KIF1B: variants seen among roughly 807,000 people sequenced by gnomAD.
KIF1B encodes kinesin family member 1B, also known as kinesin-like protein KIF1B.
KIF1B carries 76 observed loss-of-function variants against 241.9 expected under a neutral mutation model. The ratio of observed to expected loss-of-function variants is 0.31; its 90% confidence interval spans 0.26 to 0.38. KIF1B has a LOEUF of 0.38. Ranked by LOEUF, KIF1B falls within the 10% of genes least tolerant of loss-of-function variation. KIF1B has a pLI of 1.00. For missense variants in KIF1B, 1,622 were observed against 2,271.4 expected, an observed-to-expected ratio of 0.71 and a Z score of 5.81; for synonymous variants, 750 against 796.7, an observed-to-expected ratio of 0.94 and a Z score of 0.99.
Position 10,374,900 on chromosome 1 carries a change from T to C in KIF1B, c.5143T>C (p.Tyr1715His), listed in dbSNP as rs1415777397. The change falls in exon 47 of 49, where the codon TAC becomes CAC. Residue 1715 changes from tyrosine to histidine, a missense_variant. Coordinates refer to ENST00000676179, the MANE Select transcript of KIF1B (RefSeq NM_001365951.3). This position sits in a 1 kb window ranked among gnomAD's most constrained non-coding sequence, Gnocchi z 4.3. ...ATACCTTCATTTCAAGGAGCCTCTT[T>C]ACAGTAACTGGGCTAAACATTTTGT... The part of the protein sequence containing the change: ...KGYLHFKEPL[Y>H]SNWAKHFVVV... 3 of 1,614,230 alleles carry C rather than the reference T, an allele frequency of 1.9e-6. No homozygotes were observed. Among genetic ancestry groups the C allele is most frequent in the East Asian group, 4.5e-5 (2 of 44,886 alleles).
At chr1:10,343,399 A>C in intron 34 of KIF1B, 112 bp downstream of exon 34, 1 of 965,256 alleles carries the variant, frequency 1.0e-6, no homozygotes, top group South Asian at 1.4e-5. Flanking sequence ...CTATATATCC[A>C]CATGTATTCC....
At chr1:10,325,677 T>C (rs1489177222) in intron 26 of KIF1B, among the ~76,000 whole-genome samples, 2 of 152,242 alleles carry the variant, frequency 1.3e-5, no homozygotes, top group African/African-American at 4.8e-5. Context: ...AAGCACATGC[T>C]GCTTTGCCAT....
At position 10,323,062 on chromosome 1, in the gene KIF1B, G is replaced by C. The variant is rs149124706; in HGVS notation, c.2359-822G>C. Among the ~76,000 whole-genome samples the C allele has an allele frequency of 3.1e-4, 47 of 152,184 alleles. No individual in the cohort carries two copies. In the East Asian group the frequency reaches 8.7e-3, roughly 28 times the overall value. On this transcript the variant is annotated intron_variant, in intron 24 of 48. Transcript: ENST00000676179. The stretch of plus-strand genomic sequence containing the variant: ...CAGTTTGTAGAGACAGGGTCTCACT[G>C]TGTTGCCTAGGCTGGTCTCAAACTC...
rs763518005 is a variant in KIF1B at position 10,374,421 on chromosome 1, C to T, written c.5052C>T (p.Asn1684=). 29 of 1,614,088 alleles carry T rather than the reference C, an allele frequency of 1.8e-5. No homozygotes were observed. Among genetic ancestry groups the T allele is most frequent in the East Asian group, 4.5e-5 (2 of 44,904 alleles). The change falls in exon 46 of 49, where the codon AAC becomes AAT. Residue 1684 remains asparagine (N), a synonymous_variant. Transcript: ENST00000676179. This position sits in a 1 kb window ranked among gnomAD's most constrained non-coding sequence, Gnocchi z 4.3. ...CATATTTGGCCCGAGCAGGAAAAAA[C>T]GAATTTCTCAATCTTGTTCCAGATA... ...ETPYLARAGK[N]EFLNLVPDIE... is the part of the protein sequence containing the mutation.
intron 1 of KIF1B, among the ~76,000 whole-genome samples, chr1:10,225,089 TGCCCACC>T (rs1646893439): frequency 1.3e-5 from 2 of 152,296 alleles, no homozygotes; most frequent in African/African-American, 4.8e-5. Context: ...AATGCTCACT[TGCCCACC>T]GCTCACCTCC....
intron 1 of KIF1B, among the ~76,000 whole-genome samples, chr1:10,229,431 G>T (rs564266925): frequency 6.6e-6 from 1 of 152,264 alleles, no homozygotes; most frequent in South Asian, 2.1e-4. Flanking sequence ...ACTGTTGTAA[G>T]TGCTAGCAAA....
At chr1:10,238,940 T>C (rs575565868) in intron 2 of KIF1B, among the ~76,000 whole-genome samples, 1 of 152,198 alleles carries the variant, frequency 6.6e-6, no homozygotes, top group African/African-American at 2.4e-5. Flanking sequence ...ACTTTTTTCT[T>C]TCAGTTTTTT....
chr1:10,238,593 T>C (rs971279749), intron 2 of KIF1B, among the ~76,000 whole-genome samples: 2 of 151,730 alleles, frequency 1.3e-5, no homozygotes. Flanking sequence ...TGGTTGCAGC[T>C]ACTCCAGAGC....
intron 25 of KIF1B, 55 bp downstream of exon 25, chr1:10,324,117 G>T: frequency 1.1e-5 from 14 of 1,309,370 alleles, no homozygotes; most frequent in Non-Finnish European, 1.5e-5. Context: ...ACAATGACCT[G>T]CTCAAGTGAG....
chr1:10,268,625 C>CTTTTTTTTTTTTTTTTTT, intron 7 of KIF1B, among the ~76,000 whole-genome samples: 1 of 130,056 alleles, frequency 7.7e-6, no homozygotes, highest in Non-Finnish European at 1.7e-5. Flanking sequence ...TATGTGTATT[C>CTTTTTTTTTTTTTTTTTT]TTTTTTTTTT....
chr1:10,243,676 C>T (rs1647168886), intron 2 of KIF1B, among the ~76,000 whole-genome samples: 1 of 152,160 alleles, frequency 6.6e-6, no homozygotes, highest in South Asian at 2.1e-4. Context: ...CTCCAGAACC[C>T]TTACTATTGG....
intron 22 of KIF1B, among the ~76,000 whole-genome samples, chr1:10,309,808 C>T (rs1422701752): frequency 6.6e-6 from 1 of 151,564 alleles, no homozygotes; most frequent in Non-Finnish European, 1.5e-5. Context: ...GAATCTTAGT[C>T]TTACTGTAGT....
At chr1:10,367,136 C>T (rs562017175) in intron 43 of KIF1B, among the ~76,000 whole-genome samples, 1 of 151,876 alleles carries the variant, frequency 6.6e-6, no homozygotes, top group African/African-American at 2.4e-5. Context: ...ACTCCTGTCA[C>T]ACAGGCTGGG....
intron 22 of KIF1B, among the ~76,000 whole-genome samples, chr1:10,311,537 T>C (rs1199019431): frequency 6.6e-6 from 1 of 151,344 alleles, no homozygotes; most frequent in Non-Finnish European, 1.5e-5. Context: ...CATTATTTCC[T>C]ATCCTCATTC....
At chr1:10,294,810 G>A (rs1246496914) in intron 17 of KIF1B, among the ~76,000 whole-genome samples, 1 of 152,204 alleles carries the variant, frequency 6.6e-6, no homozygotes, top group Non-Finnish European at 1.5e-5. Flanking sequence ...AGAGGTTGCA[G>A]TGAGTCAAAA....
In KIF1B at chr1:10,308,700, G is replaced by A. The variant is rs1650943106; in HGVS notation, c.2116-11343G>A. 4 of 832,432 alleles carry A rather than the reference G, an allele frequency of 4.8e-6. No homozygotes were observed. The South Asian group carries it at 2.2e-4, about 47-fold the overall frequency. The allele number at this position is 832,432 out of a possible 1,614,324, so 51.6% of individuals were successfully genotyped here. Reference sequence around the variant, plus strand: ...TTTATTGCTTTTTCATCTGAAGATGGTTGTAAACTAAATCTTCTTTTTGAT... The same window carrying A: ...TTTATTGCTTTTTCATCTGAAGATGATTGTAAACTAAATCTTCTTTTTGAT... On this transcript the variant is annotated intron_variant, in intron 22 of 48. Coordinates refer to ENST00000676179, the MANE Select transcript of KIF1B (RefSeq NM_001365951.3).
chr1:10,307,842 G>C, intron 22 of KIF1B: 1 of 1,043,600 alleles, frequency 9.6e-7, no homozygotes, highest in East Asian at 5.7e-5. Context: ...GTATTCCTTG[G>C]AGAGTTAAAG....
chr1:10,346,729 G>A (rs200252838), intron 35 of KIF1B, among the ~76,000 whole-genome samples: 1 of 152,204 alleles, frequency 6.6e-6, no homozygotes, highest in African/African-American at 2.4e-5. Context: ...GGAGCATATT[G>A]CATAGAATAT....
At position 10,378,694 on chromosome 1, in the gene KIF1B, C is replaced by A; in HGVS notation, c.*2107C>A. 1 of 441,702 alleles carries A rather than the reference C, an allele frequency of 2.3e-6. No homozygotes were observed. Among genetic ancestry groups the A allele is most frequent in the South Asian group, 2.8e-5 (1 of 35,882 alleles). The allele number at this position is 441,702 out of a possible 1,614,324, so 27.4% of individuals were successfully genotyped here. A position where few individuals can be genotyped will look rare whatever the true frequency, so the allele number is the denominator to read the frequency against. On this transcript the variant is annotated 3_prime_UTR_variant, in exon 49 of 49. Coordinates refer to ENST00000676179, the MANE Select transcript of KIF1B (RefSeq NM_001365951.3). ...TTGCTAGGGAGACTTGTGTCATCATCCACAACCTTGTTTCTCACTTCCTGG... is the reference window on the plus strand; with the variant it reads ...TTGCTAGGGAGACTTGTGTCATCATACACAACCTTGTTTCTCACTTCCTGG...
Sources: gnomAD v4.1 joint callset for allele counts (sites outside exome capture counted in the v4.1 genomes callset) on GRCh38, gnomAD v4.1.1 for gene constraint, Gnocchi (gnomAD v3.1) non-coding constraint, MANE v1.5 for transcripts, NCBI Gene and HGNC (gene_info 2026-07-23, HGNC 2026-07-21) for gene names.